Variants in EMC8 observed in about 807,000 individuals in gnomAD.
EMC8 encodes COX4 neighbor.
A neutral mutation model predicts 24.3 loss-of-function variants in EMC8; 11 were observed. The observed-to-expected ratio is 0.45, with a 90% CI of 0.28 to 0.75. The LOEUF (loss-of-function observed/expected upper bound fraction) is 0.75, where lower values mean the gene tolerates loss of function less well. Ranked by LOEUF, EMC8 falls within the 30% of genes least tolerant of loss-of-function variation. The pLI is 0.12. For missense variants in EMC8, 277 were observed against 282.7 expected (o/e 0.98, Z 0.14); for synonymous variants, 145 against 117.7 (o/e 1.23, Z -1.50).
chr16:85,789,040 C>T lies in EMC8; in HGVS notation c.242G>A (p.Trp81Ter). 6.2e-7 allele frequency: 1 copy of T among 1,613,068 alleles called. No homozygotes were observed. Among genetic ancestry groups the T allele is most frequent in the Non-Finnish European group, 8.5e-7 (1 of 1,179,080 alleles). ...LEVALTLIDS[W>*]CKDHSYVIAG... ...AATCACGTAGCTATGATCTTTGCAC[C>T]ATGAATCAATCTGAAAGAGGAACAA... Residue 81 changes from tryptophan (W) to a stop codon, truncating the protein, a stop_gained, in exon 2 of 5, where the codon TGG (tryptophan) becomes TAG (stop). Transcript: ENST00000253457. LOFTEE classifies it high-confidence loss of function.
intron 1 of EMC8, among the ~76,000 whole-genome samples, chr16:85,789,254 T>G (rs1904896347): frequency 6.6e-6 from 1 of 152,144 alleles, no homozygotes; most frequent in Non-Finnish European, 1.5e-5. Flanking sequence ...ATGACTATCT[T>G]CCTCAGTCCC....
At chr16:85,790,419 T>A (rs886931465) in intron 1 of EMC8, among the ~76,000 whole-genome samples, 3 of 152,196 alleles carry the variant, frequency 2.0e-5, no homozygotes. Context: ...ACCCAAAAGA[T>A]CAGGATTATG....
rs572683948 is a variant in EMC8 at position 85,799,119 on chromosome 16, G to A, written c.177C>T (p.Pro59=). 8.8e-6 allele frequency: 14 copies of A among 1,591,278 alleles called. No individual in the cohort carries two copies. The African/African-American group carries it at 1.3e-4, about 15-fold the overall frequency. The change falls in exon 1 of 5, where the codon CCC becomes CCT. Residue 59 remains proline (P), a synonymous_variant. Coordinates refer to ENST00000253457, the MANE Select transcript of EMC8 (RefSeq NM_006067.5). This position sits in a 1 kb window ranked among gnomAD's most constrained non-coding sequence, Gnocchi z 4.2. ...AHHTLFVDCI[P]LFHGTLALAP... is the part of the protein sequence containing the mutation. Reference sequence around the variant, plus strand: ...CGAGGGCCAGGGTGCCGTGGAAGAGGGGGATGCAGTCCACGAAGAGGGTGT... The same window carrying A: ...CGAGGGCCAGGGTGCCGTGGAAGAGAGGGATGCAGTCCACGAAGAGGGTGT...
At chr16:85,794,556 G>A (rs543253865) in intron 1 of EMC8, among the ~76,000 whole-genome samples, 1 of 152,290 alleles carries the variant, frequency 6.6e-6, no homozygotes, top group African/African-American at 2.4e-5. Flanking sequence ...GTGCGTGGCG[G>A]TGTGCGCTGG....
intron 2 of EMC8, 166 bp from the exon 3 acceptor site, chr16:85,781,446 G>C: frequency 1.7e-6 from 1 of 593,964 alleles, no homozygotes; most frequent in Non-Finnish European, 3.1e-6. Flanking sequence ...TAATTTTTTG[G>C]TAGAGATAGG....
At chr16:85,785,407 T>C (rs901022728) in intron 2 of EMC8, among the ~76,000 whole-genome samples, 3 of 151,972 alleles carry the variant, frequency 2.0e-5, no homozygotes, top group Admixed American at 6.6e-5. Flanking sequence ...CCGTCTCTAC[T>C]AAAAATACAA....
intron 4 of EMC8, 55 bp downstream of exon 4, chr16:85,780,324 A>G: frequency 7.6e-7 from 1 of 1,322,716 alleles, no homozygotes; most frequent in South Asian, 1.2e-5. Context: ...AGTGGCTCTC[A>G]CGTGGCCGGG....
chr16:85,786,069 T>C (rs559518156), intron 2 of EMC8, among the ~76,000 whole-genome samples: 20 of 152,310 alleles, frequency 1.3e-4, no homozygotes, highest in Non-Finnish European at 2.1e-4. Flanking sequence ...ATCACAGCAC[T>C]AGTAACAGCA....
At chr16:85,780,989 G>T in intron 3 of EMC8, 1 of 563,782 alleles carries the variant, frequency 1.8e-6, no homozygotes, top group Non-Finnish European at 3.2e-6. Flanking sequence ...GCTGCGGCTG[G>T]CAGGGGACCC....
chr16:85,782,662 G>C (rs962206775), intron 2 of EMC8, among the ~76,000 whole-genome samples: 2 of 152,074 alleles, frequency 1.3e-5, no homozygotes, highest in African/African-American at 4.8e-5. Flanking sequence ...CCTCACCACA[G>C]CTCTGTGCAA....
chr16:85,780,474 C>A lies in EMC8; in HGVS notation c.379-1G>T. On this transcript the variant is annotated splice_acceptor_variant, in intron 3 of 4. Coordinates refer to ENST00000253457, the MANE Select transcript of EMC8 (RefSeq NM_006067.5). LOFTEE classifies it high-confidence loss of function. ...CCATCGTAAACTTGGTGTTGTCTAC[C>A]TGAGCACAAGGCAAAGGACACGAGA... is the stretch of plus-strand genomic sequence containing the variant. The A allele has an allele frequency of 6.2e-7, 1 of 1,612,170 alleles. No homozygotes were observed. The highest frequency in any genetic ancestry group is 8.5e-7 in the Non-Finnish European group (1 of 1,178,376).
rs532217840 is a variant in EMC8 at position 85,799,384 on chromosome 16, G to A, written c.-89C>T. 3.6e-5 allele frequency: 29 copies of A among 799,790 alleles called. No homozygotes were observed. The East Asian group carries it at 9.8e-4, about 27-fold the overall frequency. 49.5% of individuals were successfully genotyped at this position (799,790 alleles called of 1,614,324 possible). ...CCGCGCGGCGCCTCAGCCGAGAAGC[G>A]GGACGAGGCGGCGGCGATTGATGGC... On this transcript the variant is annotated 5_prime_UTR_variant, in exon 1 of 5. Transcript: ENST00000253457. This position sits in a 1 kb window ranked among gnomAD's most constrained non-coding sequence, Gnocchi z 4.2.
In EMC8 at chr16:85,799,481, G is replaced by T; in HGVS notation, c.-186C>A. 2 of 401,692 alleles carry T rather than the reference G, an allele frequency of 5.0e-6. No homozygotes were observed. The highest frequency in any genetic ancestry group is 4.4e-6 in the Non-Finnish European group (1 of 229,472). 24.9% of individuals were successfully genotyped at this position (401,692 alleles called of 1,614,324 possible). A position where few individuals can be genotyped will look rare whatever the true frequency, so the allele number is the denominator to read the frequency against. On this transcript the variant is annotated 5_prime_UTR_variant, in exon 1 of 5. Transcript: ENST00000253457. This position sits in a 1 kb window ranked among gnomAD's most constrained non-coding sequence, Gnocchi z 4.2. ...GCCTCGGCTCCTGGAAAAGCGACTC[G>T]CGCCTCTGGGAAGCCGCAGCCCCAG...
In EMC8 at chr16:85,789,063, C is replaced by G. The variant is rs1567830505; in HGVS notation, c.232-13G>C. ...ACCATGAATCAATCTGAAAGAGGAA[C>G]AAAAATTGGGAAAAGATGAATGACT... On this transcript the variant is annotated splice_polypyrimidine_tract_variant and intron_variant, in intron 1 of 4. Coordinates refer to ENST00000253457, the MANE Select transcript of EMC8 (RefSeq NM_006067.5). 3 of 1,593,752 alleles carry G rather than the reference C, an allele frequency of 1.9e-6. No individual in the cohort carries two copies. Among genetic ancestry groups the G allele is most frequent in the African/African-American group, 2.7e-5 (2 of 74,602 alleles).
chr16:85,798,781 G>A, intron 1 of EMC8: 1 of 389,280 alleles, frequency 2.6e-6, no homozygotes, highest in Non-Finnish European at 4.6e-6. Flanking sequence ...ACGATGACTT[G>A]TTTCTACAAA....
At chr16:85,786,434 C>G (rs1215052069) in intron 2 of EMC8, among the ~76,000 whole-genome samples, 1 of 152,172 alleles carries the variant, frequency 6.6e-6, no homozygotes, top group Non-Finnish European at 1.5e-5. Flanking sequence ...TCTGAGAAGC[C>G]ACCTTCTCCG....
chr16:85,786,706 G>A lies in EMC8; in HGVS notation c.308+2268C>T, dbSNP rs568644118. ...ACTGCAAAACCTCCTGGAGGACGCA[G>A]AAGGACGTGGACTAGGTGAGGATAG... On this transcript the variant is annotated intron_variant, in intron 2 of 4. Transcript: ENST00000253457. Among the ~76,000 whole-genome samples the A allele has an allele frequency of 4.6e-5, 7 of 152,328 alleles. No individual in the cohort carries two copies. The South Asian group carries it at 1.2e-3, about 27-fold the overall frequency.
At chr16:85,789,905 G>C (rs1255902355) in intron 1 of EMC8, among the ~76,000 whole-genome samples, 1 of 152,124 alleles carries the variant, frequency 6.6e-6, no homozygotes, top group African/African-American at 2.4e-5. Flanking sequence ...AAGTTAGGAA[G>C]GGGCACGTGC....
At chr16:85,780,256 A>C in intron 4 of EMC8, 123 bp downstream of exon 4, 1 of 717,714 alleles carries the variant, frequency 1.4e-6, no homozygotes, top group Non-Finnish European at 2.4e-6. Context: ...GAGCCGGGGA[A>C]TATGCTTGGT....
Sources: gnomAD v4.1 joint callset for allele counts (sites outside exome capture counted in the v4.1 genomes callset) on GRCh38, gnomAD v4.1.1 for gene constraint, Gnocchi (gnomAD v3.1) non-coding constraint, MANE v1.5 for transcripts, NCBI Gene and HGNC (gene_info 2026-07-23, HGNC 2026-07-21) for gene names.